ANAPC10: variants seen among roughly 807,000 people sequenced by gnomAD.
ANAPC10 encodes the protein anaphase promoting complex subunit 10, also known as anaphase-promoting complex subunit 10.
In ANAPC10, 12 loss-of-function variants were observed where a neutral mutation model predicts 22.0. The observed-to-expected ratio is 0.55, with a 90% confidence interval of 0.35 to 0.88. The LOEUF is 0.88. Ranked by LOEUF, ANAPC10 falls within the 40% of genes least tolerant of loss-of-function variation. The pLI is 0.01. For synonymous variants in ANAPC10, 65 were observed against 69.5 expected (o/e 0.94, Z 0.32); for missense variants, 188 against 220.9 (o/e 0.85, Z 0.94).
At chr4:144,998,873 C>G (rs62343141) in intron 4 of ANAPC10, among the ~76,000 whole-genome samples, 42,415 of 151,716 alleles carry the variant, frequency 0.28, 7,446 homozygotes, top group Non-Finnish European at 0.38. Context: ...CCGCTAGCAA[C>G]ACTAATAAAG....
intron 4 of ANAPC10, among the ~76,000 whole-genome samples, chr4:145,063,355 C>T (rs1743188720): frequency 6.6e-6 from 1 of 152,104 alleles, no homozygotes. Flanking sequence ...AATATCCTCA[C>T]CTGTTCTTAT....
At chr4:145,077,491 AG>A (rs566509105) in intron 3 of ANAPC10, among the ~76,000 whole-genome samples, 153 of 152,278 alleles carry the variant, frequency 1.0e-3, no homozygotes, top group African/African-American at 3.5e-3. Context: ...CAAAAAACTG[AG>A]AGGAAGAATT....
intron 4 of ANAPC10, among the ~76,000 whole-genome samples, chr4:145,034,424 A>G (rs2127078241): frequency 6.6e-6 from 1 of 151,420 alleles, no homozygotes; most frequent in African/African-American, 2.4e-5. Context: ...CAAGTTCTTT[A>G]GTTTTGGGAC....
rs545815890 is a variant in ANAPC10, at chr4:145,067,806, T to G, written c.207-3114A>C. Among the ~76,000 whole-genome samples the G allele has an allele frequency of 5.3e-5, 8 of 152,334 alleles. No individual in the cohort carries two copies. In the South Asian group the frequency reaches 1.2e-3, roughly 24 times the overall value. ...AACCTAAAATCCCTTTATCCCCTCT[T>G]TCTTCATAACATCTGGCTAAAAGAT... On this transcript the variant is annotated intron_variant, in intron 3 of 4. Coordinates refer to ENST00000507656, the MANE Select transcript of ANAPC10 (RefSeq NM_001256706.2).
At chr4:145,078,751 A>G (rs1236022308) in intron 3 of ANAPC10, among the ~76,000 whole-genome samples, 1 of 152,200 alleles carries the variant, frequency 6.6e-6, no homozygotes, top group Non-Finnish European at 1.5e-5. Flanking sequence ...ATCTTCAACA[A>G]AGTTGGCAAT....
At chr4:145,084,007 G>A (rs529472295) in intron 2 of ANAPC10, among the ~76,000 whole-genome samples, 1 of 148,536 alleles carries the variant, frequency 6.7e-6, no homozygotes, top group African/African-American at 2.5e-5. Flanking sequence ...GTCTTGCTCT[G>A]ACACACAGGC....
At chr4:145,097,229 T>G (rs535311191) in intron 1 of ANAPC10, 97 of 325,896 alleles carry the variant, frequency 3.0e-4, no homozygotes, top group Middle Eastern at 2.2e-3. Flanking sequence ...GAAAAAAATG[T>G]TAAAAGTTCA....
At chr4:145,069,126 T>C (rs1242335373) in intron 3 of ANAPC10, among the ~76,000 whole-genome samples, 1 of 152,140 alleles carries the variant, frequency 6.6e-6, no homozygotes, top group Non-Finnish European at 1.5e-5. Flanking sequence ...GCCTTCCCAC[T>C]ACAGACAACT....
chr4:145,057,536 T>C (rs1047413963), intron 4 of ANAPC10, among the ~76,000 whole-genome samples: 6 of 152,176 alleles, frequency 3.9e-5, no homozygotes, highest in Non-Finnish European at 7.4e-5. Context: ...TCTTCTTTCA[T>C]ATCTAAGCTT....
At chr4:145,081,828 T>C in intron 2 of ANAPC10, 78 bp from the exon 3 acceptor site, 1 of 995,498 alleles carries the variant, frequency 1.0e-6, no homozygotes. Flanking sequence ...TTAACATATG[T>C]ATTTGTCCAG....
chr4:145,091,916 A>G (rs541934804), intron 2 of ANAPC10, among the ~76,000 whole-genome samples: 2 of 152,186 alleles, frequency 1.3e-5, no homozygotes, highest in Non-Finnish European at 2.9e-5. Flanking sequence ...CCACAGATAC[A>G]AGGCTATCTT....
chr4:144,999,515 AAGG>A (rs1171516216), intron 4 of ANAPC10, among the ~76,000 whole-genome samples: 3 of 152,322 alleles, frequency 2.0e-5, no homozygotes, highest in Admixed American at 6.5e-5. Context: ...ACTTCTCTTC[AAGG>A]AGAACTACAA....
chr4:145,031,137 T>A (rs1441580768), intron 4 of ANAPC10, among the ~76,000 whole-genome samples: 1 of 152,256 alleles, frequency 6.6e-6, no homozygotes, highest in African/African-American at 2.4e-5. Flanking sequence ...TTTACCTTAC[T>A]GTCCTACCTC....
intron 4 of ANAPC10, among the ~76,000 whole-genome samples, chr4:145,029,475 G>A (rs954637072): frequency 2.0e-5 from 3 of 152,142 alleles, no homozygotes; most frequent in African/African-American, 7.2e-5. Flanking sequence ...AACTGTTTGA[G>A]TTCTCTAATT....
intron 4 of ANAPC10, among the ~76,000 whole-genome samples, chr4:145,036,323 A>T (rs1019760068): frequency 5.9e-5 from 9 of 152,206 alleles, no homozygotes; most frequent in Non-Finnish European, 1.3e-4. Flanking sequence ...AGATACGTAC[A>T]CGTTATTTAG....
intron 4 of ANAPC10, among the ~76,000 whole-genome samples, chr4:145,048,653 A>G (rs1740670034): frequency 6.6e-6 from 1 of 152,164 alleles, no homozygotes; most frequent in African/African-American, 2.4e-5. Context: ...TACTAAGAAG[A>G]AATTCTATGA....
intron 3 of ANAPC10, 123 bp from the exon 4 acceptor site, chr4:145,064,815 A>C (rs1743434333): frequency 6.0e-6 from 5 of 833,198 alleles, no homozygotes; most frequent in Admixed American, 3.0e-5. Context: ...ACATTTTCAT[A>C]TCTTTTAATT....
At chr4:145,017,885 G>A (rs571448268) in intron 4 of ANAPC10, among the ~76,000 whole-genome samples, 14 of 148,678 alleles carry the variant, frequency 9.4e-5, no homozygotes, top group African/African-American at 2.7e-4. Flanking sequence ...ACCAAACACC[G>A]TGTGTTCTCA....
intron 3 of ANAPC10, among the ~76,000 whole-genome samples, chr4:145,069,278 G>A (rs1302208187): frequency 6.6e-6 from 1 of 151,330 alleles, no homozygotes; most frequent in Non-Finnish European, 1.5e-5. Context: ...TTTTGGGACT[G>A]CAATGTGAAG....
Sources: gnomAD v4.1 joint callset for allele counts (sites outside exome capture counted in the v4.1 genomes callset) on GRCh38, gnomAD v4.1.1 for gene constraint, MANE v1.5 for transcripts, NCBI Gene and HGNC (gene_info 2026-07-23, HGNC 2026-07-21) for gene names.